Variants in MBNL1 observed in about 807,000 individuals in gnomAD.
MBNL1 encodes muscleblind-like protein 1.
MBNL1 carries 8 observed loss-of-function variants against 42.2 expected under a neutral mutation model. That is an observed-to-expected ratio of 0.19 (90% CI 0.11 to 0.34). MBNL1 has a LOEUF of 0.34. MBNL1 is among the 10% of genes least tolerant of loss of function. The pLI is 1.00. For synonymous variants in MBNL1, 169 were observed against 173.9 expected (o/e 0.97, Z 0.22); for missense variants, 309 against 495.3 (o/e 0.62, Z 3.57).
At chr3:152,340,950 C>T (rs1453317282) in intron 2 of MBNL1, 1 of 1,518,780 alleles carries the variant, frequency 6.6e-7, no homozygotes, top group South Asian at 1.4e-5. Context: ...AGCAGGCCTG[C>T]ACCTATACCA....
chr3:152,358,434 A>G (rs1264747612), intron 2 of MBNL1, among the ~76,000 whole-genome samples: 2 of 152,146 alleles, frequency 1.3e-5, no homozygotes, highest in Non-Finnish European at 1.5e-5. Flanking sequence ...ATGATAAGTG[A>G]CTCATTAGGA....
chr3:152,437,965 G>A (rs1388421793), intron 4 of MBNL1, among the ~76,000 whole-genome samples: 1 of 151,968 alleles, frequency 6.6e-6, no homozygotes, highest in South Asian at 2.1e-4. Context: ...GTGGAGATGG[G>A]GTTTCACCAT....
chr3:152,362,975 G>T (rs1406402955), intron 2 of MBNL1, among the ~76,000 whole-genome samples: 3 of 152,134 alleles, frequency 2.0e-5, no homozygotes, highest in Admixed American at 1.3e-4. Flanking sequence ...ATTAATGTGT[G>T]TGTGAAGTTT....
chr3:152,255,658 C>T (rs114494531), intron 2 of MBNL1, among the ~76,000 whole-genome samples: 3,087 of 151,974 alleles, frequency 0.02, 108 homozygotes, highest in African/African-American at 0.071. Flanking sequence ...ATGGAGTAAA[C>T]TAGTAAAGAA....
chr3:152,343,326 T>A (rs2093670653), intron 2 of MBNL1, among the ~76,000 whole-genome samples: 2 of 152,010 alleles, frequency 1.3e-5, no homozygotes, highest in Admixed American at 1.3e-4. Context: ...AGAGAGAGAG[T>A]TACCTGGACT....
intron 2 of MBNL1, among the ~76,000 whole-genome samples, chr3:152,413,774 T>G (rs928903753): frequency 6.6e-6 from 1 of 152,198 alleles, no homozygotes; most frequent in Non-Finnish European, 1.5e-5. Context: ...GATTTATTGG[T>G]GAAAGAAGTT....
intron 2 of MBNL1, among the ~76,000 whole-genome samples, chr3:152,322,882 A>G (rs1450234678): frequency 1.3e-5 from 2 of 152,104 alleles, no homozygotes; most frequent in Non-Finnish European, 2.9e-5. Context: ...TGTTTTGCAT[A>G]TGAATTTAAT....
At chr3:152,331,115 T>C (rs555703738) in intron 2 of MBNL1, among the ~76,000 whole-genome samples, 15 of 152,112 alleles carry the variant, frequency 9.9e-5, no homozygotes, top group Admixed American at 5.2e-4. Context: ...TCTCCCTCTC[T>C]CCTTCCCTGT....
intron 2 of MBNL1, among the ~76,000 whole-genome samples, chr3:152,398,352 TTA>T (rs1398158421): frequency 1.7e-4 from 26 of 152,122 alleles, no homozygotes; most frequent in African/African-American, 6.0e-4. Flanking sequence ...TTTTTTTTAA[TTA>T]AAAAAGACCT....
rs1308616230 is a variant in MBNL1 at position 152,300,287 on chromosome 3, A to G, written c.94A>G (p.Thr32Ala). The stretch of plus-strand genomic sequence containing the variant: ...GAGGGGGACTTGCTCACGGCCAGAC[A>G]CGGAATGTAAATTTGCACATCCTTC... ...FQRGTCSRPD[T>A]ECKFAHPSKS... The change falls in exon 2 of 10, where the codon ACG becomes GCG. Residue 32 changes from threonine (T) to alanine (A), a missense_variant. Thr to Ala is a moderately conservative substitution (Grantham distance 58, BLOSUM62 0). Coordinates refer to ENST00000324210, the MANE Select transcript of MBNL1 (RefSeq NM_021038.5). The G allele has an allele frequency of 1.2e-6, 2 of 1,614,042 alleles. No homozygotes were observed. Among genetic ancestry groups the G allele is most frequent in the Admixed American group, 1.7e-5 (1 of 60,022 alleles).
At chr3:152,269,472 C>A (rs1457704111) in intron 1 of MBNL1, 4 of 453,238 alleles carry the variant, frequency 8.8e-6, no homozygotes, top group Non-Finnish European at 1.8e-5. Context: ...CCCTCTGAGT[C>A]GAGCGGCGCG....
chr3:152,412,478 C>T (rs1560493623), intron 2 of MBNL1, among the ~76,000 whole-genome samples: 1 of 152,080 alleles, frequency 6.6e-6, no homozygotes, highest in Non-Finnish European at 1.5e-5. Flanking sequence ...CTTAGGAACA[C>T]AGCTTTTTGA....
chr3:152,297,438 G>A (rs1348855704), intron 1 of MBNL1, among the ~76,000 whole-genome samples: 1 of 150,504 alleles, frequency 6.6e-6, no homozygotes, highest in South Asian at 2.1e-4. Context: ...TCACCTCCCA[G>A]GTTCTAAGTG....
intron 2 of MBNL1, among the ~76,000 whole-genome samples, chr3:152,406,782 G>C (rs1446958661): frequency 6.6e-6 from 1 of 152,104 alleles, no homozygotes; most frequent in Non-Finnish European, 1.5e-5. Context: ...TTAAACTTAG[G>C]AGTGTTCTAC....
intron 3 of MBNL1, among the ~76,000 whole-genome samples, chr3:152,415,973 T>C (rs552385235): frequency 6.6e-6 from 1 of 152,360 alleles, no homozygotes; most frequent in East Asian, 1.9e-4. Context: ...TAAATTCAAA[T>C]GCATGTTGAA....
At chr3:152,347,910 C>T (rs2094487363) in intron 2 of MBNL1, among the ~76,000 whole-genome samples, 1 of 151,862 alleles carries the variant, frequency 6.6e-6, no homozygotes, top group Non-Finnish European at 1.5e-5. Context: ...CTCATGAATC[C>T]CACAACTGTA....
rs1380802527 is a variant in MBNL1, at chr3:152,420,940, G to A, written c.345+5829G>A. Among the ~76,000 whole-genome samples the A allele has an allele frequency of 2.6e-5, 4 of 152,150 alleles. No individual in the cohort carries two copies. In the South Asian group the frequency reaches 6.2e-4, roughly 24 times the overall value. The stretch of plus-strand genomic sequence containing the variant: ...AGAGCATAAATGACCTGATGGAGGT[G>A]AAAAACACAGCATGAGAAGTTCGTG... On this transcript the variant is annotated intron_variant, in intron 3 of 9. Transcript: ENST00000324210.
intron 3 of MBNL1, among the ~76,000 whole-genome samples, chr3:152,424,302 A>G (rs2098860465): frequency 1.3e-5 from 2 of 152,226 alleles, no homozygotes; most frequent in Admixed American, 6.5e-5. Flanking sequence ...GAGCCAAATC[A>G]TGAGTGAACT....
At chr3:152,300,463 G>C (rs941257182) in intron 2 of MBNL1, 96 bp downstream of exon 2, 5 of 1,071,948 alleles carry the variant, frequency 4.7e-6, no homozygotes, top group Admixed American at 2.1e-5. Context: ...GGATTGCTTT[G>C]TTCATAGTTT....
Sources: gnomAD v4.1 joint callset for allele counts (sites outside exome capture counted in the v4.1 genomes callset) on GRCh38, gnomAD v4.1.1 for gene constraint, MANE v1.5 for transcripts, NCBI Gene and HGNC (gene_info 2026-07-23, HGNC 2026-07-21) for gene names.